The following UFL1 variants were observed in gnomAD, a reference collection of about 807,000 sequenced individuals.
The protein encoded by UFL1 is E3 UFM1-protein ligase 1.
Under a neutral mutation model 99.3 loss-of-function variants are expected in UFL1, and 78 were observed. The ratio of observed to expected loss-of-function variants is 0.79; its 90% CI spans 0.65 to 0.95. The LOEUF (loss-of-function observed/expected upper bound fraction) is 0.95, where lower values mean the gene tolerates loss of function less well. Among genes scored for constraint, UFL1 ranks in the 40% least tolerant of loss-of-function variants. UFL1 has a pLI of 0.00. For synonymous variants in UFL1, 335 were observed against 322.2 expected (o/e 1.04, Z -0.42); for missense variants, 936 against 937.0 (o/e 1.00, Z 0.01).
intron 13 of UFL1, among the ~76,000 whole-genome samples, chr6:96,548,767 TGAA>T (rs1226568458): frequency 1.3e-5 from 2 of 151,826 alleles, no homozygotes; most frequent in African/African-American, 2.4e-5. Context: ...TATATAAAAA[TGAA>T]GAAAATTATG....
At chr6:96,526,460 T>G (rs1769704162) in intron 5 of UFL1, 25 bp downstream of exon 5, 1 of 1,571,194 alleles carries the variant, frequency 6.4e-7, no homozygotes, top group Non-Finnish European at 8.7e-7. Context: ...AATAATACAA[T>G]GTGTCTTTTT....
chr6:96,522,047 T>C, intron 1 of UFL1, 97 bp downstream of exon 1: 2 of 1,326,674 alleles, frequency 1.5e-6, no homozygotes, highest in South Asian at 1.3e-5. Context: ...GCATCCCGGG[T>C]CTTCTCGCTG....
chr6:96,529,808 G>T (rs917607721), intron 6 of UFL1, among the ~76,000 whole-genome samples: 3 of 152,034 alleles, frequency 2.0e-5, no homozygotes, highest in Non-Finnish European at 4.4e-5. Flanking sequence ...AAGGCACTGG[G>T]GTACAAAAGG....
rs768672501 is a variant in UFL1 at position 96,553,508 on chromosome 6, C to G, written c.*5C>G. 7 of 1,610,836 alleles carry G rather than the reference C, an allele frequency of 4.3e-6. No homozygotes were observed. The highest frequency in any genetic ancestry group is 5.9e-6 in the Non-Finnish European group (7 of 1,178,590). ...TCATCTGTGACGGAAGAGTAATGAT[C>G]TTAATTTACATTTGTCATATAGTAA... On this transcript the variant is annotated 3_prime_UTR_variant, in exon 19 of 19. Coordinates refer to ENST00000369278, the MANE Select transcript of UFL1 (RefSeq NM_015323.5).
intron 12 of UFL1, among the ~76,000 whole-genome samples, chr6:96,547,872 C>G (rs1392489723): frequency 6.6e-6 from 1 of 151,458 alleles, no homozygotes; most frequent in East Asian, 1.9e-4. Flanking sequence ...ACAATGTTCA[C>G]TCTTTGGTTA....
At position 96,551,526 on chromosome 6, in the gene UFL1, T is replaced by A; in HGVS notation, c.1899+13T>A. ...TCTGAATGAAAAGGTAAGTAAAGTT[T>A]TATTCTATTTACATGTCAGGGCTAG... On this transcript the variant is annotated intron_variant, in intron 16 of 18. Transcript: ENST00000369278. 1.4e-6 allele frequency: 2 copies of A among 1,468,438 alleles called. No individual in the cohort carries two copies. Among genetic ancestry groups the A allele is most frequent in the South Asian group, 2.6e-5 (2 of 78,086 alleles). 91.0% of individuals were successfully genotyped at this position (1,468,438 alleles called of 1,614,324 possible).
At chr6:96,541,632 A>C (rs1290466550) in intron 11 of UFL1, among the ~76,000 whole-genome samples, 2 of 151,330 alleles carry the variant, frequency 1.3e-5, no homozygotes, top group Non-Finnish European at 3.0e-5. Context: ...AAATCACAGT[A>C]ATATTCATAG....
At chr6:96,541,093 G>C (rs1281650788) in intron 11 of UFL1, among the ~76,000 whole-genome samples, 1 of 151,332 alleles carries the variant, frequency 6.6e-6, no homozygotes, top group East Asian at 1.9e-4. Flanking sequence ...GACTTTAAAT[G>C]CCACTTCCTT....
Position 96,554,569 on chromosome 6 carries a change from G to T in UFL1, c.*1066G>T, listed in dbSNP as rs1262862285. On this transcript the variant is annotated 3_prime_UTR_variant, in exon 19 of 19. Transcript: ENST00000369278. The stretch of plus-strand genomic sequence containing the variant: ...ACTTACTTACTATTTATCAAAAAGG[G>T]ATTTAATTATTTTGAATATAATTAT... 6.6e-6 allele frequency: 1 copy of T among 151,416 alleles called. No homozygotes were observed. Among genetic ancestry groups the T allele is most frequent in the Non-Finnish European group, 1.5e-5 (1 of 67,820 alleles). The allele number at this position is 151,416 out of a possible 1,614,324, so 9.4% of individuals were successfully genotyped here. A position where few individuals can be genotyped will look rare whatever the true frequency, so the allele number is the denominator to read the frequency against.
At chr6:96,545,367 C>G (rs1407273918) in intron 12 of UFL1, among the ~76,000 whole-genome samples, 8 of 150,980 alleles carry the variant, frequency 5.3e-5, no homozygotes, top group Admixed American at 4.0e-4. Context: ...ATGACATTTG[C>G]ACAGTTAGCT....
rs1582435468 is a variant in UFL1 at position 96,523,246 on chromosome 6, G to A, written c.178G>A (p.Ala60Thr). ...CGATGGAAAGGAATATATTACTCCA[G>A]CCCAAATTAGTAAAGAAATGAGAGA... is the stretch of plus-strand genomic sequence containing the variant. ...TLDGKEYITP[A>T]QISKEMRDEL... The change falls in exon 2 of 19, where the codon GCC (alanine) becomes ACC (threonine). Residue 60 changes from alanine to threonine, a missense_variant. Transcript: ENST00000369278. 1 of 1,611,246 alleles carries A rather than the reference G, an allele frequency of 6.2e-7. No individual in the cohort carries two copies. Among genetic ancestry groups the A allele is most frequent in the South Asian group, 1.1e-5 (1 of 90,628 alleles).
chr6:96,535,717 T>C (rs1174573895), intron 7 of UFL1, among the ~76,000 whole-genome samples: 1 of 152,024 alleles, frequency 6.6e-6, no homozygotes, highest in Non-Finnish European at 1.5e-5. Flanking sequence ...CTCTTATAGG[T>C]AGGGCTGAAA....
Position 96,539,987 on chromosome 6 carries a change from A to G in UFL1, c.1159-548A>G, listed in dbSNP as rs1769907261. Among the ~76,000 whole-genome samples the G allele has an allele frequency of 2.0e-5, 3 of 151,574 alleles. No homozygotes were observed. The Admixed American group carries it at 2.0e-4, about 10-fold the overall frequency. On this transcript the variant is annotated intron_variant, in intron 10 of 18. Coordinates refer to ENST00000369278, the MANE Select transcript of UFL1 (RefSeq NM_015323.5). ...GGACCTTATGCCATCAGAAAGAACC[A>G]GTATCCGAACTTGGAAATACTTCAT...
intron 6 of UFL1, among the ~76,000 whole-genome samples, chr6:96,531,985 A>G (rs1355236913): frequency 6.6e-6 from 1 of 152,208 alleles, no homozygotes; most frequent in Non-Finnish European, 1.5e-5. Context: ...CAAAGGAGAC[A>G]CCTGCATCTC....
At chr6:96,529,130 C>G (rs1769745772) in intron 6 of UFL1, among the ~76,000 whole-genome samples, 1 of 152,164 alleles carries the variant, frequency 6.6e-6, no homozygotes, top group Non-Finnish European at 1.5e-5. Flanking sequence ...ATGTTACTTG[C>G]AAAGTCACTG....
intron 6 of UFL1, among the ~76,000 whole-genome samples, chr6:96,530,423 A>C (rs1285217305): frequency 6.6e-6 from 1 of 152,186 alleles, no homozygotes; most frequent in Non-Finnish European, 1.5e-5. Context: ...TTCCTAATAG[A>C]GATACCAGCT....
chr6:96,533,755 A>G (rs1376602337), intron 6 of UFL1, among the ~76,000 whole-genome samples: 1 of 151,576 alleles, frequency 6.6e-6, no homozygotes. Context: ...CTGGTTAACA[A>G]AAGAAATGCA....
chr6:96,543,949 A>G (rs1265764876), intron 12 of UFL1, among the ~76,000 whole-genome samples: 1 of 151,170 alleles, frequency 6.6e-6, no homozygotes, highest in South Asian at 2.1e-4. Flanking sequence ...TCATTTTCCT[A>G]TACATTTATA....
chr6:96,537,071 C>G (rs1237802536), intron 8 of UFL1, among the ~76,000 whole-genome samples: 1 of 151,628 alleles, frequency 6.6e-6, no homozygotes, highest in African/African-American at 2.4e-5. Context: ...ATTACTTCCT[C>G]AGTAATAAAC....
Sources: gnomAD v4.1 joint callset for allele counts (sites outside exome capture counted in the v4.1 genomes callset) on GRCh38, gnomAD v4.1.1 for gene constraint, MANE v1.5 for transcripts, NCBI Gene and HGNC (gene_info 2026-07-23, HGNC 2026-07-21) for gene names.